Variants in DCLK2 observed in about 807,000 individuals in gnomAD.
DCLK2 encodes doublecortin like kinase 2.
Under a neutral mutation model 78.4 loss-of-function variants are expected in DCLK2, and 31 were observed. The ratio of observed to expected loss-of-function variants is 0.40; its 90% CI spans 0.30 to 0.53. DCLK2 has a LOEUF of 0.53. Among genes scored for constraint, DCLK2 ranks in the 20% least tolerant of loss-of-function variants. The probability of loss-of-function intolerance (pLI) is 0.61; values close to 1 mark genes in which losing one functional copy is unlikely to be tolerated. For synonymous variants in DCLK2, 407 were observed against 374.9 expected, an observed-to-expected ratio of 1.09 and a Z score of -0.99; for missense variants, 872 against 973.7, an observed-to-expected ratio of 0.90 and a Z score of 1.39.
chr4:150,225,847 C>T (rs753330376), intron 8 of DCLK2, among the ~76,000 whole-genome samples: 5 of 152,158 alleles, frequency 3.3e-5, no homozygotes, highest in Non-Finnish European at 7.4e-5. Flanking sequence ...GGCCCTGCCT[C>T]TTCTTGGAAA....
chr4:150,098,969 A>G (rs1730677951), intron 1 of DCLK2, among the ~76,000 whole-genome samples: 1 of 152,114 alleles, frequency 6.6e-6, no homozygotes, highest in African/African-American at 2.4e-5. Flanking sequence ...TGCTGGGATT[A>G]CAGGCATGAG....
rs189070394 is a variant in DCLK2, at chr4:150,208,794, A to G, written c.1056+4905A>G. 5.9e-5 allele frequency among the ~76,000 whole-genome samples: 9 copies of G among 152,304 alleles called. No individual in the cohort carries two copies. In the Middle Eastern group the frequency reaches 0.017, roughly 288 times the overall value. The stretch of plus-strand genomic sequence containing the variant: ...TGTCCACACTGTGCCCATTATTTCC[A>G]CCTAACCCCATAAAGCTTTAGTACA... On this transcript the variant is annotated intron_variant, in intron 5 of 15. Coordinates refer to ENST00000296550, the MANE Select transcript of DCLK2 (RefSeq NM_001040260.4).
chr4:150,240,764 AAAAAG>A (rs1453219499), intron 12 of DCLK2, among the ~76,000 whole-genome samples: 2 of 78,040 alleles, frequency 2.6e-5, no homozygotes, highest in East Asian at 2.6e-4. Flanking sequence ...AAAAAAAAAG[AAAAAG>A]AAAAAAAAAA....
At chr4:150,109,659 G>T (rs1282116712) in intron 2 of DCLK2, among the ~76,000 whole-genome samples, 1 of 152,142 alleles carries the variant, frequency 6.6e-6, no homozygotes, top group African/African-American at 2.4e-5. Context: ...GTAGATGATA[G>T]AAATCTAGAC....
intron 2 of DCLK2, among the ~76,000 whole-genome samples, chr4:150,178,706 C>G (rs1386933750): frequency 6.6e-6 from 1 of 152,196 alleles, no homozygotes; most frequent in African/African-American, 2.4e-5. Flanking sequence ...CGGACCACAA[C>G]TTAAAACTAG....
chr4:150,201,995 T>TG, intron 4 of DCLK2, among the ~76,000 whole-genome samples: 1 of 152,308 alleles, frequency 6.6e-6, no homozygotes, highest in Non-Finnish European at 1.5e-5. Flanking sequence ...CCTGCAGACT[T>TG]GCGTTGACTT....
At chr4:150,129,970 A>G (rs957451386) in intron 2 of DCLK2, among the ~76,000 whole-genome samples, 1 of 152,100 alleles carries the variant, frequency 6.6e-6, no homozygotes, top group African/African-American at 2.4e-5. Context: ...GTGACATTAT[A>G]TTGTATAATG....
intron 12 of DCLK2, among the ~76,000 whole-genome samples, chr4:150,240,819 T>A (rs1742875481): frequency 6.6e-6 from 1 of 152,014 alleles, no homozygotes; most frequent in African/African-American, 2.4e-5. Context: ...TTTCGCTTTT[T>A]AATTTACAGC....
intron 8 of DCLK2, among the ~76,000 whole-genome samples, chr4:150,229,630 T>C (rs1018453633): frequency 1.3e-5 from 2 of 152,158 alleles, no homozygotes; most frequent in African/African-American, 4.8e-5. Flanking sequence ...TTTTGTCTCC[T>C]ATTATACCCC....
chr4:150,187,925 C>T lies in DCLK2; in HGVS notation c.757-5213C>T, dbSNP rs539894321. Among the ~76,000 whole-genome samples, 12 of 151,934 alleles carry T rather than the reference C, an allele frequency of 7.9e-5. No homozygotes were observed. The South Asian group carries it at 1.5e-3, about 18-fold the overall frequency. ...AGCGATTCCCCCTGCTTCAGCCTCC[C>T]GAGTAACTGGGACTACAGGTGCGTG... On this transcript the variant is annotated intron_variant, in intron 2 of 15. Coordinates refer to ENST00000296550, the MANE Select transcript of DCLK2 (RefSeq NM_001040260.4).
intron 1 of DCLK2, among the ~76,000 whole-genome samples, chr4:150,089,695 G>A (rs1308597088): frequency 6.6e-6 from 1 of 152,142 alleles, no homozygotes; most frequent in East Asian, 1.9e-4. Flanking sequence ...TATGTATATA[G>A]GTTTTACATA....
intron 2 of DCLK2, among the ~76,000 whole-genome samples, chr4:150,126,113 A>G (rs1488790070): frequency 1.3e-5 from 2 of 152,214 alleles, no homozygotes; most frequent in Non-Finnish European, 2.9e-5. Flanking sequence ...AAAGGAGTCA[A>G]CTGATCTTCA....
intron 5 of DCLK2, among the ~76,000 whole-genome samples, chr4:150,214,377 G>A (rs1014862645): frequency 2.6e-5 from 4 of 152,186 alleles, no homozygotes; most frequent in Admixed American, 2.6e-4. Context: ...AAGAATGGCT[G>A]CTTTATAGCA....
chr4:150,132,689 GTCC>G (rs1484776304), intron 2 of DCLK2, among the ~76,000 whole-genome samples: 2 of 152,140 alleles, frequency 1.3e-5, no homozygotes, highest in African/African-American at 4.8e-5. Flanking sequence ...GGCTCAAGCA[GTCC>G]TCCTGCCTCA....
intron 8 of DCLK2, among the ~76,000 whole-genome samples, chr4:150,225,389 A>ATGC (rs1447854515): frequency 6.6e-6 from 1 of 152,244 alleles, no homozygotes; most frequent in Non-Finnish European, 1.5e-5. Flanking sequence ...AACCAATAAA[A>ATGC]TGCTGCTGCA....
chr4:150,194,728 G>A (rs1738737725), intron 3 of DCLK2, among the ~76,000 whole-genome samples: 1 of 152,092 alleles, frequency 6.6e-6, no homozygotes, highest in South Asian at 2.1e-4. Context: ...TTATGAATGA[G>A]GAAAGCTGGC....
At chr4:150,200,057 A>G (rs1245590866) in intron 4 of DCLK2, among the ~76,000 whole-genome samples, 1 of 152,224 alleles carries the variant, frequency 6.6e-6, no homozygotes, top group Non-Finnish European at 1.5e-5. Context: ...TGGTTCAAGA[A>G]TCGGGTGTGA....
At chr4:150,093,415 C>T (rs1730232141) in intron 1 of DCLK2, among the ~76,000 whole-genome samples, 1 of 152,216 alleles carries the variant, frequency 6.6e-6, no homozygotes, top group African/African-American at 2.4e-5. Flanking sequence ...GAGTCTTGCC[C>T]TGTTGCCCCA....
At chr4:150,253,874 G>A (rs1744367292) in intron 15 of DCLK2, 1 of 985,344 alleles carries the variant, frequency 1.0e-6, no homozygotes, top group African/African-American at 1.7e-5. Context: ...GCTTAAGATG[G>A]TGCCTTCGTG....
Sources: gnomAD v4.1 joint callset for allele counts (sites outside exome capture counted in the v4.1 genomes callset) on GRCh38, gnomAD v4.1.1 for gene constraint, MANE v1.5 for transcripts, NCBI Gene and HGNC (gene_info 2026-07-23, HGNC 2026-07-21) for gene names.